The following C5orf34 variants were observed in gnomAD, a reference collection of about 807,000 sequenced individuals.
The protein encoded by C5orf34 is uncharacterized protein C5orf34.
Under a neutral mutation model 78.4 loss-of-function variants are expected in C5orf34, and 73 were observed. The observed-to-expected ratio is 0.93, with a 90% CI of 0.77 to 1.13. The LOEUF (loss-of-function observed/expected upper bound fraction) is 1.13, where lower values mean the gene tolerates loss of function less well. C5orf34 is among the 50% of genes most tolerant of loss of function. C5orf34 has a pLI of 0.00. For missense variants in C5orf34, 730 were observed against 732.7 expected, an observed-to-expected ratio of 1.00 and a Z score of 0.04; for synonymous variants, 251 against 246.6, an observed-to-expected ratio of 1.02 and a Z score of -0.17.
chr5:43,500,181 T>A (rs185323593), intron 6 of C5orf34, among the ~76,000 whole-genome samples: 28 of 152,354 alleles, frequency 1.8e-4, no homozygotes, highest in Admixed American at 1.6e-3. Flanking sequence ...TATTTTAATT[T>A]GCATTTCCCT....
chr5:43,488,752 T>G (rs996348992), intron 11 of C5orf34, among the ~76,000 whole-genome samples: 1 of 152,058 alleles, frequency 6.6e-6, no homozygotes, highest in African/African-American at 2.4e-5. Flanking sequence ...AAGTGTGTGT[T>G]CTTTATCCTT....
chr5:43,501,114 T>C (rs1561212478), intron 6 of C5orf34, among the ~76,000 whole-genome samples: 1 of 152,152 alleles, frequency 6.6e-6, no homozygotes. Flanking sequence ...TATCACCCCC[T>C]CCCGCAACAG....
At chr5:43,510,726 G>A (rs1328457330) in intron 1 of C5orf34, among the ~76,000 whole-genome samples, 1 of 152,262 alleles carries the variant, frequency 6.6e-6, no homozygotes, top group Non-Finnish European at 1.5e-5. Context: ...TGCAGACAGA[G>A]TCTCATTCAC....
chr5:43,511,116 GTC>G (rs1746227721), intron 1 of C5orf34: 1 of 174,710 alleles, frequency 5.7e-6, no homozygotes. Flanking sequence ...GATGAGGAGC[GTC>G]TCTGCCCGGC....
chr5:43,512,600 A>G (rs1746316544), intron 1 of C5orf34, among the ~76,000 whole-genome samples: 1 of 152,012 alleles, frequency 6.6e-6, no homozygotes, highest in Non-Finnish European at 1.5e-5. Context: ...CTCCCCTAAC[A>G]TTGGGCTGCC....
At chr5:43,491,796 G>A (rs1014287007) in intron 10 of C5orf34, among the ~76,000 whole-genome samples, 6 of 152,052 alleles carry the variant, frequency 3.9e-5, no homozygotes, top group Non-Finnish European at 7.4e-5. Flanking sequence ...CTGAGGTCGG[G>A]AGTTCAAGAC....
Position 43,509,162 on chromosome 5 carries a change from C to T in C5orf34, c.178G>A (p.Val60Ile). 1 of 1,612,980 alleles carries T rather than the reference C, an allele frequency of 6.2e-7. No homozygotes were observed. Among genetic ancestry groups the T allele is most frequent in the Non-Finnish European group, 8.5e-7 (1 of 1,179,668 alleles). Reference sequence around the variant, plus strand: ...TTACTTACTCTGTAAGTGCTAATGACAAAATGTGTCCTTTGACGAATTCTT... The same window carrying T: ...TTACTTACTCTGTAAGTGCTAATGATAAAATGTGTCCTTTGACGAATTCTT... The part of the protein sequence containing the change: ...PERIRQRTHF[V>I]ISTYREQLQR... The change falls in exon 2 of 13, where the codon GTC (valine) becomes ATC (isoleucine). Residue 60 changes from valine to isoleucine, a missense_variant. By Grantham distance (29) the Val-to-Ile change is conservative. Transcript: ENST00000306862.
Position 43,505,818 on chromosome 5 carries a change from C to G in C5orf34, c.862G>C (p.Glu288Gln). 1 of 1,612,558 alleles carries G rather than the reference C, an allele frequency of 6.2e-7. No individual in the cohort carries two copies. Among genetic ancestry groups the G allele is most frequent in the Non-Finnish European group, 8.5e-7 (1 of 1,179,068 alleles). The part of the protein sequence containing the change: ...SRFLTSDISE[E>Q]RGKVVSVLPR... ...AGAACAGAAACCACTTTTCCTCTTT[C>G]CTCTGAAATATCAGAAGTTAAAAAT... The change falls in exon 4 of 13, where the codon GAA becomes CAA. Residue 288 changes from glutamate (E) to glutamine (Q), a missense_variant. Physicochemically the swap from Glu to Gln is conservative, Grantham distance 29. Coordinates refer to ENST00000306862, the MANE Select transcript of C5orf34 (RefSeq NM_198566.4).
chr5:43,493,645 G>A (rs778994757), intron 7 of C5orf34, 33 bp from the exon 8 acceptor site: 1 of 1,290,100 alleles, frequency 7.8e-7, no homozygotes, highest in Non-Finnish European at 1.1e-6. Context: ...TTAAACATTT[G>A]CAAATGACAT....
At chr5:43,503,586 T>G in intron 5 of C5orf34, 79 bp downstream of exon 5, 1 of 941,946 alleles carries the variant, frequency 1.1e-6, no homozygotes, top group Non-Finnish European at 1.8e-6. Context: ...AGAGTCTGTC[T>G]ATAAGGCTCG....
At chr5:43,510,766 G>A (rs1407251251) in intron 1 of C5orf34, among the ~76,000 whole-genome samples, 1 of 152,252 alleles carries the variant, frequency 6.6e-6, no homozygotes, top group Non-Finnish European at 1.5e-5. Context: ...AGGCTGGAGT[G>A]CAGTGGCGTG....
rs1429697637 is a variant in C5orf34, at chr5:43,507,495, C to T, written c.285+1082G>A. Among the ~76,000 whole-genome samples the T allele has an allele frequency of 2.0e-5, 3 of 152,186 alleles. No homozygotes were observed. In the South Asian group the frequency reaches 6.2e-4, roughly 32 times the overall value. The stretch of plus-strand genomic sequence containing the variant: ...AATAATCCTGCTGCAGCATCAGCAA[C>T]AAGCTAGGCAGTTTCAGTGAATAAA... On this transcript the variant is annotated intron_variant, in intron 3 of 12. Coordinates refer to ENST00000306862, the MANE Select transcript of C5orf34 (RefSeq NM_198566.4).
intron 6 of C5orf34, among the ~76,000 whole-genome samples, chr5:43,496,711 G>T (rs1170334717): frequency 2.0e-5 from 3 of 149,274 alleles, no homozygotes; most frequent in Non-Finnish European, 4.4e-5. Flanking sequence ...AGCCTCCCAA[G>T]TAGCCAGGAC....
intron 1 of C5orf34, among the ~76,000 whole-genome samples, chr5:43,512,810 G>A (rs1220339761): frequency 9.5e-6 from 1 of 105,752 alleles, no homozygotes; most frequent in Non-Finnish European, 1.7e-5. Flanking sequence ...TTGAGACAGA[G>A]TCTTGCTCTG....
intron 2 of C5orf34, 88 bp downstream of exon 2, chr5:43,509,057 G>T: frequency 1.0e-6 from 1 of 993,674 alleles, no homozygotes; most frequent in Non-Finnish European, 1.5e-6. Context: ...GTGAGCTATG[G>T]TAGTGCCACT....
chr5:43,490,025 T>G (rs1745216101), intron 11 of C5orf34, among the ~76,000 whole-genome samples: 1 of 152,178 alleles, frequency 6.6e-6, no homozygotes, highest in Non-Finnish European at 1.5e-5. Flanking sequence ...ATAGCATATG[T>G]TCCATAAAAA....
At chr5:43,492,111 G>T in intron 10 of C5orf34, 104 bp downstream of exon 10, 1 of 752,626 alleles carries the variant, frequency 1.3e-6, no homozygotes. Context: ...TTATCCACAT[G>T]GAAAAACTAA....
intron 1 of C5orf34, among the ~76,000 whole-genome samples, chr5:43,510,063 T>C (rs1334410605): frequency 6.6e-6 from 1 of 152,216 alleles, no homozygotes; most frequent in Non-Finnish European, 1.5e-5. Context: ...TAAAGAAATT[T>C]AATTTCTATA....
intron 11 of C5orf34, 54 bp from the exon 12 acceptor site, chr5:43,488,003 T>C: frequency 7.0e-7 from 1 of 1,437,696 alleles, no homozygotes; most frequent in Non-Finnish European, 9.6e-7. Flanking sequence ...TTTGTATTCA[T>C]GATATTTCAA....
Sources: allele counts gnomAD v4.1 joint callset (sites outside exome capture counted in the v4.1 genomes callset), GRCh38; gene constraint gnomAD v4.1.1; transcripts MANE v1.5; gene names NCBI Gene and HGNC (gene_info 2026-07-23, HGNC 2026-07-21).